The following PLEKHA7 variants were observed in gnomAD, a reference collection of about 807,000 sequenced individuals.
PLEKHA7 encodes pleckstrin homology domain containing A7, also known as pleckstrin homology domain-containing family A member 7.
In PLEKHA7, 104 loss-of-function variants were observed where a neutral mutation model predicts 170.0. The observed-to-expected ratio is 0.61, with a 90% CI of 0.52 to 0.72. The LOEUF (loss-of-function observed/expected upper bound fraction) is 0.72, where lower values mean the gene tolerates loss of function less well. Ranked by LOEUF, PLEKHA7 falls within the 30% of genes least tolerant of loss-of-function variation. The pLI is 0.00. For synonymous variants in PLEKHA7, 648 were observed against 660.8 expected, an observed-to-expected ratio of 0.98 and a Z score of 0.30; for missense variants, 1,615 against 1,671.7, an observed-to-expected ratio of 0.97 and a Z score of 0.59.
intron 10 of PLEKHA7, among the ~76,000 whole-genome samples, chr11:16,820,460 ACTAGGTGG>A (rs1267648640): frequency 6.8e-6 from 1 of 147,032 alleles, no homozygotes; most frequent in Non-Finnish European, 1.5e-5. Context: ...TCGGCCTGCC[ACTAGGTGG>A]CAGGGTTTGC....
intron 3 of PLEKHA7, among the ~76,000 whole-genome samples, chr11:16,929,994 C>T (rs914268219): frequency 1.3e-5 from 2 of 151,418 alleles, no homozygotes; most frequent in Non-Finnish European, 2.9e-5. Flanking sequence ...CAGAGTGAGA[C>T]TCCGTCTCAA....
chr11:16,833,069 G>A (rs887809753), intron 9 of PLEKHA7, among the ~76,000 whole-genome samples: 3 of 152,212 alleles, frequency 2.0e-5, no homozygotes, highest in South Asian at 2.1e-4. Context: ...AGATAGCCAG[G>A]GAGAAATGGA....
chr11:16,954,512 C>T (rs1289129109), intron 3 of PLEKHA7, among the ~76,000 whole-genome samples: 1 of 148,696 alleles, frequency 6.7e-6, no homozygotes, highest in Non-Finnish European at 1.5e-5. Context: ...CCAGCCCGGG[C>T]AACAGAGCAA....
At chr11:16,792,782 ATTTTG>A (rs1847951040) in intron 19 of PLEKHA7, among the ~76,000 whole-genome samples, 1 of 151,962 alleles carries the variant, frequency 6.6e-6, no homozygotes, top group Admixed American at 6.5e-5. Flanking sequence ...AATGGGTTTT[ATTTTG>A]TTTTGAGACA....
Position 16,789,327 on chromosome 11 carries a change from C to A in PLEKHA7, c.3157-31G>T, listed in dbSNP as rs1262461819. The A allele has an allele frequency of 1.1e-5, 17 of 1,606,764 alleles. No homozygotes were observed. Among genetic ancestry groups the A allele is most frequent in the Non-Finnish European group, 1.4e-5 (16 of 1,176,450 alleles). The stretch of plus-strand genomic sequence containing the variant: ...GAAGAGGAGGCAGGCAAGAGAGACA[C>A]AGAACAGCTGGGCTGGGCACGCAGA... On this transcript the variant is annotated intron_variant, in intron 22 of 26. Coordinates refer to ENST00000531066, the MANE Select transcript of PLEKHA7 (RefSeq NM_001329630.2). The surrounding 1 kb of genome is among the most constrained non-coding windows in gnomAD (Gnocchi z 4.6).
intron 3 of PLEKHA7, among the ~76,000 whole-genome samples, chr11:16,905,972 G>A (rs1268564285): frequency 1.3e-5 from 2 of 150,248 alleles, no homozygotes; most frequent in African/African-American, 4.9e-5. Flanking sequence ...AGCCCTCTAG[G>A]GCCCTGGAGT....
chr11:16,906,559 G>A (rs1200679755), intron 3 of PLEKHA7, among the ~76,000 whole-genome samples: 1 of 138,820 alleles, frequency 7.2e-6, no homozygotes, highest in Non-Finnish European at 1.5e-5. Context: ...CTAACCGCGA[G>A]TGATCTGCCA....
chr11:16,787,071 T>A (rs1849449780), intron 23 of PLEKHA7: 4 of 985,400 alleles, frequency 4.1e-6, no homozygotes, highest in Non-Finnish European at 4.8e-6. Flanking sequence ...TTTCACAGTA[T>A]CAACTTTGTA....
rs376356139 is a variant in PLEKHA7 at position 16,973,558 on chromosome 11, C to G, written c.221+40431G>C. On this transcript the variant is annotated intron_variant, in intron 3 of 26. Transcript: ENST00000531066. ...GAGTCTAACCACATGGTTCTCAACCCTCGCTGCACATTAAAATCACTTGGG... is the reference window on the plus strand; with the variant it reads ...GAGTCTAACCACATGGTTCTCAACCGTCGCTGCACATTAAAATCACTTGGG... 8.0e-4 allele frequency among the ~76,000 whole-genome samples: 122 copies of G among 152,328 alleles called. No homozygotes were observed. In the South Asian group the frequency reaches 0.025, roughly 31 times the overall value.
rs112502274 is a variant in PLEKHA7 at position 16,814,828 on chromosome 11, G to A, written c.1953+1350C>T. Among the ~76,000 whole-genome samples, 832 of 152,336 alleles carry A rather than the reference G, an allele frequency of 5.5e-3. 16 individuals are homozygous for A. Among genetic ancestry groups the A allele is most frequent in the African/African-American group, 0.019 (782 of 41,578 alleles). On this transcript the variant is annotated intron_variant, in intron 12 of 26. Coordinates refer to ENST00000531066, the MANE Select transcript of PLEKHA7 (RefSeq NM_001329630.2). ...GCCCTGCATCTCCCTCCAGGCTGAC[G>A]CATATGTGCCTTTCCACATCCCAAG...
chr11:16,855,726 A>G (rs1035929206), intron 5 of PLEKHA7, 77 bp downstream of exon 5: 2 of 1,088,838 alleles, frequency 1.8e-6, no homozygotes. Flanking sequence ...AGTGAAGATC[A>G]AATGGACTTC....
intron 3 of PLEKHA7, among the ~76,000 whole-genome samples, chr11:16,946,796 CT>C (rs1406493444): frequency 6.6e-6 from 1 of 152,186 alleles, no homozygotes; most frequent in Non-Finnish European, 1.5e-5. Context: ...GCAACACCCC[CT>C]CCCCCACAGA....
In PLEKHA7 at chr11:16,841,626, C is replaced by T. The variant is rs756338340; in HGVS notation, c.793G>A (p.Asp265Asn). 17 of 1,613,970 alleles carry T rather than the reference C, an allele frequency of 1.1e-5. No individual in the cohort carries two copies. In the African/African-American group the frequency reaches 1.1e-4, roughly 10 times the overall value. ...SGMRTYYFSA[D>N]TQEDMNAWVR... ...CAAGCGTTCATGTCCTCCTGGGTGTCGGCACTGAAGTAGTAGGTCCTCATG... is the reference window on the plus strand; with the variant it reads ...CAAGCGTTCATGTCCTCCTGGGTGTTGGCACTGAAGTAGTAGGTCCTCATG... The change falls in exon 9 of 27, where the codon GAC becomes AAC. Residue 265 changes from aspartate to asparagine, a missense_variant. Transcript: ENST00000531066.
At chr11:16,828,680 T>A (rs1057267626) in intron 9 of PLEKHA7, among the ~76,000 whole-genome samples, 8 of 152,228 alleles carry the variant, frequency 5.3e-5, no homozygotes, top group African/African-American at 1.9e-4. Context: ...GCCCTTCTGA[T>A]AACAGCATTT....
intron 3 of PLEKHA7, among the ~76,000 whole-genome samples, chr11:16,991,634 G>A (rs745757668): frequency 9.2e-5 from 14 of 152,200 alleles, no homozygotes; most frequent in Middle Eastern, 3.2e-3. Flanking sequence ...CAGCAGCAGG[G>A]ATGGGAGGAA....
intron 8 of PLEKHA7, among the ~76,000 whole-genome samples, chr11:16,842,999 T>A (rs1410907955): frequency 6.6e-6 from 1 of 152,278 alleles, no homozygotes; most frequent in East Asian, 1.9e-4. Flanking sequence ...ATTTTACACA[T>A]TTGTTTATTA....
At chr11:17,002,455 C>T (rs1565197070) in intron 3 of PLEKHA7, among the ~76,000 whole-genome samples, 1 of 151,680 alleles carries the variant, frequency 6.6e-6, no homozygotes, top group African/African-American at 2.4e-5. Context: ...AGCCACAAGG[C>T]ACCATGTACC....
chr11:16,882,608 C>T (rs1196754698), intron 3 of PLEKHA7, among the ~76,000 whole-genome samples: 1 of 152,202 alleles, frequency 6.6e-6, no homozygotes, highest in Non-Finnish European at 1.5e-5. Flanking sequence ...GAGGTATACC[C>T]TAGCCTACAG....
rs927200886 is a variant in PLEKHA7, at chr11:16,840,133, T to C, written c.872+1414A>G. 2.0e-5 allele frequency among the ~76,000 whole-genome samples: 3 copies of C among 152,254 alleles called. No individual in the cohort carries two copies. The East Asian group carries it at 5.8e-4, about 29-fold the overall frequency. ...GACGTAGTTACTGATTCAGGGCCCA[T>C]GGGGAAGCTCCTAGGGCAGTCTTTG... On this transcript the variant is annotated intron_variant, in intron 9 of 26. Coordinates refer to ENST00000531066, the MANE Select transcript of PLEKHA7 (RefSeq NM_001329630.2).
Sources: allele counts gnomAD v4.1 joint callset (sites outside exome capture counted in the v4.1 genomes callset), GRCh38; gene constraint gnomAD v4.1.1; non-coding constraint Gnocchi (gnomAD v3.1); transcripts MANE v1.5; gene names NCBI Gene and HGNC (gene_info 2026-07-23, HGNC 2026-07-21).